Variants in ITSN2 observed in about 807,000 individuals in gnomAD.
The protein encoded by ITSN2 is intersectin 2, also known as intersectin-2.
ITSN2 carries 156 observed loss-of-function variants against 243.7 expected under a neutral mutation model. The observed-to-expected ratio is 0.64, with a 90% CI of 0.56 to 0.73. The LOEUF is 0.73. Among genes scored for constraint, ITSN2 ranks in the 30% least tolerant of loss-of-function variants. ITSN2 has a pLI of 0.00. For synonymous variants in ITSN2, 703 were observed against 699.9 expected (o/e 1.00, Z -0.07); for missense variants, 1,801 against 1,996.1 (o/e 0.90, Z 1.86).
intron 29 of ITSN2, among the ~76,000 whole-genome samples, chr2:24,224,170 A>T (rs143384424): frequency 0.041 from 6,283 of 152,298 alleles, 220 homozygotes; most frequent in Non-Finnish European, 0.062. Flanking sequence ...GGGAACTCAG[A>T]CCAGTTTCCA....
Position 24,321,290 on chromosome 2 carries a change from T to C in ITSN2, c.32-6066A>G, listed in dbSNP as rs530429522. On this transcript the variant is annotated intron_variant, in intron 2 of 39. Transcript: ENST00000355123. ...GACTACCTTTACAATTTATTCCATT[T>C]CTGCCAATAAGGAATCAAATACGTT... 3.3e-5 allele frequency among the ~76,000 whole-genome samples: 5 copies of C among 152,340 alleles called. No homozygotes were observed. The South Asian group carries it at 1.0e-3, about 32-fold the overall frequency.
chr2:24,344,773 A>C (rs568916364), intron 1 of ITSN2, among the ~76,000 whole-genome samples: 1 of 152,208 alleles, frequency 6.6e-6, no homozygotes, highest in Non-Finnish European at 1.5e-5. Context: ...CCAACATGGT[A>C]AAACTCCATC....
intron 15 of ITSN2, among the ~76,000 whole-genome samples, chr2:24,292,665 T>G (rs921613900): frequency 6.6e-6 from 1 of 152,220 alleles, no homozygotes; most frequent in African/African-American, 2.4e-5. Flanking sequence ...CAGCCTAGGC[T>G]CCTCCTAAGC....
chr2:24,264,168 G>T (rs571998083), intron 20 of ITSN2, among the ~76,000 whole-genome samples: 1 of 152,258 alleles, frequency 6.6e-6, no homozygotes, highest in African/African-American at 2.4e-5. Flanking sequence ...GAGGGGGGCA[G>T]ATCACCTGAG....
At position 24,249,289 on chromosome 2, in the gene ITSN2, G is replaced by T. The variant is rs1673806321; in HGVS notation, c.3121-407C>A. Among the ~76,000 whole-genome samples, 1 of 152,160 alleles carries T rather than the reference G, an allele frequency of 6.6e-6. No homozygotes were observed. Among genetic ancestry groups the T allele is most frequent in the Non-Finnish European group, 1.5e-5 (1 of 68,044 alleles). ...TATTTTGCTCCTGCTTTCTCTAAGGGATCCTGACTTATCTATGGATCTTGA... is the reference window on the plus strand; with the variant it reads ...TATTTTGCTCCTGCTTTCTCTAAGGTATCCTGACTTATCTATGGATCTTGA... On this transcript the variant is annotated intron_variant, in intron 25 of 39. Coordinates refer to ENST00000355123, the MANE Select transcript of ITSN2 (RefSeq NM_006277.3). The surrounding 1 kb of genome is among the most constrained non-coding windows in gnomAD (Gnocchi z 4.4).
At chr2:24,309,333 C>T (rs1488389922) in intron 7 of ITSN2, among the ~76,000 whole-genome samples, 1 of 152,152 alleles carries the variant, frequency 6.6e-6, no homozygotes. Context: ...GCTGGGACTA[C>T]AGTCACATGC....
At chr2:24,250,017 A>C (rs1441944845) in intron 25 of ITSN2, among the ~76,000 whole-genome samples, 1 of 152,208 alleles carries the variant, frequency 6.6e-6, no homozygotes, top group Non-Finnish European at 1.5e-5. Context: ...ACCGCCATGC[A>C]CTCACAGTAA....
chr2:24,324,030 A>C (rs1006692518), intron 2 of ITSN2, among the ~76,000 whole-genome samples: 1 of 152,170 alleles, frequency 6.6e-6, no homozygotes, highest in Non-Finnish European at 1.5e-5. Flanking sequence ...CAGGAGATGG[A>C]GACCATCCTG....
chr2:24,300,281 G>A (rs1681555793), intron 11 of ITSN2, 110 bp from the exon 12 acceptor site: 22 of 934,214 alleles, frequency 2.4e-5, no homozygotes, highest in Non-Finnish European at 3.5e-5. Flanking sequence ...ATCAGTATTT[G>A]AATACTTCTC....
Position 24,212,652 on chromosome 2 carries a change from T to G in ITSN2, c.4087A>C (p.Ser1363Arg). 6.2e-7 allele frequency: 1 copy of G among 1,607,992 alleles called. No individual in the cohort carries two copies. ...RITRYPLLIR[S>R]ILENTPESHA... ...CACTGCCCGGCCTGCACACTCACAC[T>G]TCTGATGAGCAGTGGGTAGCGGGTG... The change falls in exon 33 of 40, where the codon AGT (serine) becomes CGT (arginine). Residue 1363 changes from serine to arginine, a missense_variant and splice_region_variant. Transcript: ENST00000355123.
chr2:24,339,353 C>A (rs1217096397), intron 1 of ITSN2, among the ~76,000 whole-genome samples: 5 of 151,778 alleles, frequency 3.3e-5, no homozygotes, highest in Non-Finnish European at 7.4e-5. Flanking sequence ...TGCCTGTAGT[C>A]CCAGCTACTC....
rs138876457 is a variant in ITSN2, at chr2:24,330,509, G to A, written c.-33-2394C>T. The A allele has an allele frequency of 1.1e-3, 811 of 707,784 alleles. 2 individuals carry two copies. The highest frequency in any genetic ancestry group is 0.011 in the East Asian group (414 of 36,654). 43.8% of individuals were successfully genotyped at this position (707,784 alleles called of 1,614,324 possible). On this transcript the variant is annotated intron_variant, in intron 1 of 39. Transcript: ENST00000355123. ...TGTCTGCTAAACCTGCTCCTCCAACGCCAGAGCCCAAGCCTGAAAAGGCCC... is the reference window on the plus strand; with the variant it reads ...TGTCTGCTAAACCTGCTCCTCCAACACCAGAGCCCAAGCCTGAAAAGGCCC...
chr2:24,340,860 A>G (rs1168177160), intron 1 of ITSN2, among the ~76,000 whole-genome samples: 17 of 152,208 alleles, frequency 1.1e-4, no homozygotes. Flanking sequence ...TTATCCAGGG[A>G]AAGTACATAT....
chr2:24,227,007 T>C (rs1671093026), intron 29 of ITSN2, among the ~76,000 whole-genome samples: 2 of 152,016 alleles, frequency 1.3e-5, no homozygotes, highest in African/African-American at 4.8e-5. Flanking sequence ...TCCCAGCTAC[T>C]TGGGAGGCTG....
chr2:24,359,515 T>C (rs956003111), intron 1 of ITSN2, among the ~76,000 whole-genome samples: 3 of 152,230 alleles, frequency 2.0e-5, no homozygotes, highest in Non-Finnish European at 4.4e-5. Context: ...TTGGTAATTC[T>C]AGAGCGACAA....
intron 1 of ITSN2, chr2:24,334,728 T>G (rs1269688233): frequency 6.3e-7 from 1 of 1,586,094 alleles, no homozygotes; most frequent in Non-Finnish European, 8.6e-7. Flanking sequence ...CTTGAGTGCG[T>G]TGAGCCCAAC....
At chr2:24,287,935 T>C (rs1228822940) in intron 15 of ITSN2, among the ~76,000 whole-genome samples, 1 of 152,166 alleles carries the variant, frequency 6.6e-6, no homozygotes, top group Non-Finnish European at 1.5e-5. Context: ...ATTTTGGATA[T>C]AAACCACTTA....
At chr2:24,205,475 C>T in intron 37 of ITSN2, 178 bp from the exon 38 acceptor site, 2 of 561,656 alleles carry the variant, frequency 3.6e-6, no homozygotes, top group South Asian at 3.9e-5. Context: ...CTAGGAAGCC[C>T]CTGCTTGCTC....
intron 29 of ITSN2, chr2:24,240,687 A>G (rs1672623390): frequency 6.6e-6 from 1 of 152,262 alleles, no homozygotes; most frequent in South Asian, 2.1e-4. Context: ...GTACAAAAAC[A>G]TATTTCACTC....
Sources: gnomAD v4.1 joint callset for allele counts (sites outside exome capture counted in the v4.1 genomes callset) on GRCh38, gnomAD v4.1.1 for gene constraint, Gnocchi (gnomAD v3.1) non-coding constraint, MANE v1.5 for transcripts, NCBI Gene and HGNC (gene_info 2026-07-23, HGNC 2026-07-21) for gene names.